The following AOAH variants were observed in gnomAD, a reference collection of about 807,000 sequenced individuals.
The protein encoded by AOAH is acyloxyacyl hydrolase (neutrophil).
In AOAH, 64 loss-of-function variants were observed where a neutral mutation model predicts 92.2. That is an observed-to-expected ratio of 0.69 (90% CI 0.57 to 0.86). The LOEUF (loss-of-function observed/expected upper bound fraction) is 0.86, where lower values mean the gene tolerates loss of function less well. Ranked by LOEUF, AOAH falls within the 40% of genes least tolerant of loss-of-function variation. AOAH has a pLI of 0.00. For synonymous variants in AOAH, 263 were observed against 254.5 expected, an observed-to-expected ratio of 1.03 and a Z score of -0.32; for missense variants, 656 against 694.6, an observed-to-expected ratio of 0.94 and a Z score of 0.62.
intron 20 of AOAH, chr7:36,514,743 T>C: frequency 1.6e-6 from 1 of 618,038 alleles, no homozygotes. Flanking sequence ...GGAAGGATGC[T>C]CAGGGATATC....
chr7:36,686,973 C>T (rs922387511), intron 1 of AOAH, among the ~76,000 whole-genome samples, 179 bp from the exon 2 acceptor site: 1 of 152,138 alleles, frequency 6.6e-6, no homozygotes, highest in Admixed American at 6.6e-5. Context: ...AAACAGCCCA[C>T]ATGGAGCAGA....
chr7:36,558,306 C>T (rs561231623), intron 13 of AOAH, among the ~76,000 whole-genome samples: 15 of 152,274 alleles, frequency 9.9e-5, no homozygotes, highest in South Asian at 6.2e-4. Context: ...AGTGGATTTT[C>T]GTGAATGGTG....
At chr7:36,537,106 C>T (rs1270016788) in intron 16 of AOAH, among the ~76,000 whole-genome samples, 1 of 152,100 alleles carries the variant, frequency 6.6e-6, no homozygotes, top group Non-Finnish European at 1.5e-5. Flanking sequence ...AGGAAAGACC[C>T]TGATGCTTCG....
chr7:36,718,023 A>C (rs753289812), intron 1 of AOAH, among the ~76,000 whole-genome samples: 5 of 152,140 alleles, frequency 3.3e-5, no homozygotes, highest in Non-Finnish European at 5.9e-5. Context: ...GGGGGAAGGA[A>C]ACACAGAATG....
intron 15 of AOAH, among the ~76,000 whole-genome samples, chr7:36,543,917 C>CTTTTCTTTT (rs1278956284): frequency 1.4e-5 from 2 of 138,772 alleles, no homozygotes; most frequent in Non-Finnish European, 1.6e-5. Context: ...GAAAAGTTTT[C>CTTTTCTTTT]TTTTCTTTTT....
intron 11 of AOAH, 183 bp from the exon 12 acceptor site, chr7:36,594,613 A>G (rs769801323): frequency 1.5e-6 from 1 of 674,104 alleles, no homozygotes; most frequent in South Asian, 1.6e-5. Flanking sequence ...GGGAAGTCAC[A>G]ATGATCAGCA....
intron 4 of AOAH, among the ~76,000 whole-genome samples, chr7:36,646,500 T>C (rs1794229463): frequency 1.3e-5 from 2 of 152,240 alleles, no homozygotes; most frequent in Non-Finnish European, 2.9e-5. Flanking sequence ...TTTTTTCTAT[T>C]TGCTTTCAGG....
At chr7:36,558,931 G>T (rs1787036705) in intron 13 of AOAH, among the ~76,000 whole-genome samples, 1 of 152,260 alleles carries the variant, frequency 6.6e-6, no homozygotes. Context: ...CACTTCCCGA[G>T]TGAGGCAATG....
Position 36,553,798 on chromosome 7 carries a change from G to A in AOAH, c.1022-4323C>T, listed in dbSNP as rs1583802778. Among the ~76,000 whole-genome samples the A allele has an allele frequency of 1.3e-5, 2 of 152,242 alleles. 1 individual carries two copies. The highest frequency in any genetic ancestry group is 4.1e-4 in the South Asian group (2 of 4,824). On this transcript the variant is annotated intron_variant, in intron 13 of 20. Transcript: ENST00000617537. ...AAGTGTCTTCTTTTGAGAAGTGTCT[G>A]TTCATATCCTTTGCCCACTTTTTCA...
chr7:36,654,519 A>G (rs1033141872), intron 4 of AOAH, among the ~76,000 whole-genome samples: 1 of 151,998 alleles, frequency 6.6e-6, no homozygotes, highest in African/African-American at 2.4e-5. Flanking sequence ...ATGCAGTTCC[A>G]CCTTTAACTT....
intron 2 of AOAH, 47 bp downstream of exon 2, chr7:36,686,652 T>C (rs368209598): frequency 8.7e-7 from 1 of 1,155,882 alleles, no homozygotes; most frequent in Non-Finnish European, 1.2e-6. Flanking sequence ...GACTCATGAG[T>C]GAGAGGACAA....
At chr7:36,697,140 G>C (rs1347778860) in intron 1 of AOAH, among the ~76,000 whole-genome samples, 1 of 152,132 alleles carries the variant, frequency 6.6e-6, no homozygotes, top group African/African-American at 2.4e-5. Context: ...TAAGCATTCA[G>C]TCTGCTATCA....
Position 36,633,826 on chromosome 7 carries a change from C to T in AOAH, c.451-1720G>A, listed in dbSNP as rs139919490. Among the ~76,000 whole-genome samples the T allele has an allele frequency of 1.8e-4, 27 of 152,248 alleles. No homozygotes were observed. In the East Asian group the frequency reaches 5.0e-3, roughly 28 times the overall value. Reference sequence around the variant, plus strand: ...GGCCCTATCTCAGGGTTTCAAACCTCGGTGCTATTGCCATGTTGAGCCGAT... The same window carrying T: ...GGCCCTATCTCAGGGTTTCAAACCTTGGTGCTATTGCCATGTTGAGCCGAT... On this transcript the variant is annotated intron_variant, in intron 5 of 20. Coordinates refer to ENST00000617537, the MANE Select transcript of AOAH (RefSeq NM_001637.4).
chr7:36,614,292 C>G lies in AOAH; in HGVS notation c.846+2088G>C, dbSNP rs1791692302. ...TCCATCCAGAAGTAATGGCTGTGAG[C>G]TGCTATTCCCTGTGCAGTGCATCAG... is the stretch of plus-strand genomic sequence containing the variant. On this transcript the variant is annotated intron_variant, in intron 11 of 20. Coordinates refer to ENST00000617537, the MANE Select transcript of AOAH (RefSeq NM_001637.4). This position sits in a 1 kb window ranked among gnomAD's most constrained non-coding sequence, Gnocchi z 4.2. 6.6e-6 allele frequency among the ~76,000 whole-genome samples: 1 copy of G among 152,132 alleles called. No individual in the cohort carries two copies. Among genetic ancestry groups the G allele is most frequent in the Non-Finnish European group, 1.5e-5 (1 of 68,018 alleles).
Position 36,514,350 on chromosome 7 carries a change from C to T in AOAH, c.1600-970G>A, listed in dbSNP as rs548492663. ...GAGTGGAGGCTGGCTGGGTCCCTGACTGGGTGGGGGGTGGGATCCTGGCAG... is the reference window on the plus strand; with the variant it reads ...GAGTGGAGGCTGGCTGGGTCCCTGATTGGGTGGGGGGTGGGATCCTGGCAG... On this transcript the variant is annotated intron_variant, in intron 20 of 20. Coordinates refer to ENST00000617537, the MANE Select transcript of AOAH (RefSeq NM_001637.4). 295 of 694,074 alleles carry T rather than the reference C, an allele frequency of 4.3e-4. 1 individual carries two copies. In the African/African-American group the frequency reaches 4.7e-3, roughly 11 times the overall value. 43.0% of individuals were successfully genotyped at this position (694,074 alleles called of 1,614,324 possible).
chr7:36,554,443 C>T (rs1393948942), intron 13 of AOAH, among the ~76,000 whole-genome samples: 1 of 152,116 alleles, frequency 6.6e-6, no homozygotes, highest in Non-Finnish European at 1.5e-5. Context: ...GTTCTTTTGG[C>T]TTAGGTTTGA....
At chr7:36,536,866 C>G (rs1485641603) in intron 16 of AOAH, among the ~76,000 whole-genome samples, 1 of 128,380 alleles carries the variant, frequency 7.8e-6, no homozygotes, top group Non-Finnish European at 1.6e-5. Context: ...AGGAGCATTG[C>G]TTGAAGCTGG....
At chr7:36,671,569 ATGTC>A (rs1350582976) in intron 3 of AOAH, among the ~76,000 whole-genome samples, 1 of 151,910 alleles carries the variant, frequency 6.6e-6, no homozygotes, top group African/African-American at 2.4e-5. Flanking sequence ...ATGAATGTAC[ATGTC>A]TGTATGAGTG....
At chr7:36,558,964 C>T (rs1383126724) in intron 13 of AOAH, among the ~76,000 whole-genome samples, 3 of 152,374 alleles carry the variant, frequency 2.0e-5, no homozygotes, top group African/African-American at 7.2e-5. Context: ...TTGGCTCGCA[C>T]ATGGTGCGCT....
Sources: allele counts gnomAD v4.1 joint callset (sites outside exome capture counted in the v4.1 genomes callset), GRCh38; gene constraint gnomAD v4.1.1; non-coding constraint Gnocchi (gnomAD v3.1); transcripts MANE v1.5; gene names NCBI Gene and HGNC (gene_info 2026-07-23, HGNC 2026-07-21).